The following ADAMTS9 variants were observed in gnomAD, a reference collection of about 807,000 sequenced individuals.
ADAMTS9 encodes the protein A disintegrin and metalloproteinase with thrombospondin motifs 9.
In ADAMTS9, 107 loss-of-function variants were observed where a neutral mutation model predicts 257.1. That is an observed-to-expected ratio of 0.42 (90% CI 0.36 to 0.49). The LOEUF (loss-of-function observed/expected upper bound fraction) is 0.49, where lower values mean the gene tolerates loss of function less well. Ranked by LOEUF, ADAMTS9 falls within the 20% of genes least tolerant of loss-of-function variation. The pLI is 0.03. For synonymous variants in ADAMTS9, 982 were observed against 880.9 expected (o/e 1.11, Z -2.03); for missense variants, 2,353 against 2,469.1 (o/e 0.95, Z 1.00).
At chr3:64,605,107 G>T (rs1202334132) in intron 23 of ADAMTS9, among the ~76,000 whole-genome samples, 1 of 152,166 alleles carries the variant, frequency 6.6e-6, no homozygotes, top group East Asian at 1.9e-4. Context: ...ATCTATGTGT[G>T]GAATGTGAAA....
chr3:64,686,906 C>T lies in ADAMTS9; in HGVS notation c.178G>A (p.Gly60Arg). ...TGGACGTTCGTGGGAAAGGGTTCTC[C>T]GAGAGCGTTCACTCGGATGGGAGAC... ...IVSPIRVNALGEPFPTNVHFK... is the reference protein window; with the variant it reads ...IVSPIRVNALREPFPTNVHFK... Residue 60 changes from glycine (G) to arginine (R), a missense_variant, in exon 2 of 40, where the codon GGA becomes AGA. By Grantham distance (125) the Gly-to-Arg change is moderately radical (BLOSUM62 -2). Transcript: ENST00000498707. This position sits in a 1 kb window ranked among gnomAD's most constrained non-coding sequence, Gnocchi z 4.6. The T allele has an allele frequency of 6.2e-7, 1 of 1,614,148 alleles. No individual in the cohort carries two copies. The highest frequency in any genetic ancestry group is 1.1e-5 in the South Asian group (1 of 91,086).
intron 38 of ADAMTS9, 78 bp downstream of exon 38, chr3:64,533,088 A>C (rs763655942): frequency 1.9e-5 from 25 of 1,321,344 alleles, no homozygotes; most frequent in Non-Finnish European, 2.7e-5. Context: ...CTCCTTCAGC[A>C]CCACTACCAC....
chr3:64,640,020 G>C (rs1373775994), intron 12 of ADAMTS9, among the ~76,000 whole-genome samples: 1 of 152,106 alleles, frequency 6.6e-6, no homozygotes, highest in East Asian at 1.9e-4. Flanking sequence ...CTATATGTTT[G>C]TGTCTGAATT....
intron 2 of ADAMTS9, among the ~76,000 whole-genome samples, chr3:64,682,013 A>G (rs920754571): frequency 1.3e-5 from 2 of 152,204 alleles, no homozygotes; most frequent in Non-Finnish European, 2.9e-5. Flanking sequence ...TTCAAGAAGC[A>G]TATGTTGGCC....
chr3:64,653,436 C>G (rs1700980872), intron 8 of ADAMTS9, among the ~76,000 whole-genome samples: 1 of 152,120 alleles, frequency 6.6e-6, no homozygotes, highest in African/African-American at 2.4e-5. Context: ...TTGAAAGGTA[C>G]TAGTTTAAAA....
chr3:64,581,004 T>G (rs2083984466), intron 28 of ADAMTS9, among the ~76,000 whole-genome samples: 1 of 152,184 alleles, frequency 6.6e-6, no homozygotes, highest in South Asian at 2.1e-4. Context: ...ATTGGGAACC[T>G]TTCTTAACTT....
Position 64,658,764 on chromosome 3 carries a change from T to C in ADAMTS9, c.707A>G (p.Lys236Arg), listed in dbSNP as rs1701149683. The C allele has an allele frequency of 1.9e-6, 3 of 1,614,024 alleles. No individual in the cohort carries two copies. Among genetic ancestry groups the C allele is most frequent in the East Asian group, 4.5e-5 (2 of 44,874 alleles). ...SEHKNRHSKDKKKTRARKWGE... is the reference protein window; with the variant it reads ...SEHKNRHSKDRKKTRARKWGE... ...CCATTTTCTTGCTCTGGTTTTCTTCTTGTCTTTACTGTGCCTATTTTTGTG... is the reference window on the plus strand; with the variant it reads ...CCATTTTCTTGCTCTGGTTTTCTTCCTGTCTTTACTGTGCCTATTTTTGTG... The change falls in exon 4 of 40, where the codon AAG (lysine) becomes AGG (arginine). Residue 236 changes from lysine (K) to arginine (R), a missense_variant. Physicochemically the swap from Lys to Arg is conservative, Grantham distance 26. Around this residue, in one of 3 missense-constraint regions of ADAMTS9, gnomAD observed 591 missense variants for 569.6 expected, o/e 1.04. Transcript: ENST00000498707.
At chr3:64,581,730 C>T (rs2084006209) in intron 28 of ADAMTS9, among the ~76,000 whole-genome samples, 1 of 152,204 alleles carries the variant, frequency 6.6e-6, no homozygotes, top group Non-Finnish European at 1.5e-5. Flanking sequence ...AAGACAGCAT[C>T]CACTTCCCTT....
chr3:64,594,306 T>C lies in ADAMTS9; in HGVS notation c.4308A>G (p.Thr1436=). The change falls in exon 28 of 40, where the codon ACA becomes ACG. Residue 1436 remains threonine, a synonymous_variant. Transcript: ENST00000498707. ...ATGCAGCGTCGTGTGGACAAGCATGTGTGTTACACTGCTCACGATCGGGAG... is the reference window on the plus strand; with the variant it reads ...ATGCAGCGTCGTGTGGACAAGCATGCGTGTTACACTGCTCACGATCGGGAG... ...DKPPDREQCN[T]HACPHDAAWS... is the part of the protein sequence containing the mutation. 1 of 1,612,562 alleles carries C rather than the reference T, an allele frequency of 6.2e-7. No individual in the cohort carries two copies.
chr3:64,582,308 G>C (rs1206462087), intron 28 of ADAMTS9, among the ~76,000 whole-genome samples: 5 of 152,150 alleles, frequency 3.3e-5, no homozygotes, highest in Admixed American at 2.6e-4. Context: ...CCTATGTATA[G>C]TTTTCTCTGA....
chr3:64,560,691 C>G (rs1343086782), intron 30 of ADAMTS9, among the ~76,000 whole-genome samples: 1 of 152,122 alleles, frequency 6.6e-6, no homozygotes, highest in African/African-American at 2.4e-5. Flanking sequence ...CAAAAAGTAC[C>G]CAGCACAGTG....
Position 64,530,452 on chromosome 3 carries a change from T to C in ADAMTS9, c.5718+2714A>G, listed in dbSNP as rs1412683257. ...CTCAGTCCCAGCTCCCAGATATTCATGAGGAGTACTCGACAGGCCCTGGAG... is the reference window on the plus strand; with the variant it reads ...CTCAGTCCCAGCTCCCAGATATTCACGAGGAGTACTCGACAGGCCCTGGAG... On this transcript the variant is annotated intron_variant, in intron 38 of 39. Transcript: ENST00000498707. Among the ~76,000 whole-genome samples, 10 of 146,662 alleles carry C rather than the reference T, an allele frequency of 6.8e-5. 1 individual carries two copies. In the East Asian group the frequency reaches 2.0e-3, roughly 30 times the overall value.
At chr3:64,661,477 C>T (rs9881733) in intron 3 of ADAMTS9, among the ~76,000 whole-genome samples, 105,993 of 151,998 alleles carry the variant, frequency 0.7, 38,044 homozygotes, top group African/African-American at 0.88. Context: ...CCTGTATTTT[C>T]CCGATGAGGA....
chr3:64,610,989 T>A (rs1282513164), intron 22 of ADAMTS9, among the ~76,000 whole-genome samples: 1 of 144,104 alleles, frequency 6.9e-6, no homozygotes, highest in Non-Finnish European at 1.5e-5. Context: ...GGCAGGAGAA[T>A]CGCTTGAACC....
Position 64,619,283 on chromosome 3 carries a change from G to C in ADAMTS9, c.2813+1831C>G, listed in dbSNP as rs180944730. On this transcript the variant is annotated intron_variant, in intron 19 of 39. Transcript: ENST00000498707. ...AAAACAGGTAAGGGGCTCCAAGCAA[G>C]GTAGGGAACAGGGATGGGGCAAAAA... 2.3e-3 allele frequency among the ~76,000 whole-genome samples: 354 copies of C among 152,168 alleles called. 1 individual carries two copies. The highest frequency in any genetic ancestry group is 3.7e-3 in the Non-Finnish European group (252 of 67,994).
intron 28 of ADAMTS9, among the ~76,000 whole-genome samples, chr3:64,591,010 C>A (rs752770850): frequency 6.6e-6 from 1 of 152,152 alleles, no homozygotes; most frequent in African/African-American, 2.4e-5. Context: ...GGATTTTTAG[C>A]CTACTTTCTG....
rs775861579 is a variant in ADAMTS9, at chr3:64,551,044, C to T, written c.4717G>A (p.Glu1573Lys). ...ACCACCTTGCGGTACCTGGAGCCTT[C>T]GCCGCAGGTCTTGGTGCACTGTTAA... ...EWQECTKTCG[E>K]GSRYRKVVCV... Residue 1573 changes from glutamate to lysine, a missense_variant, in exon 31 of 40, where the codon GAA becomes AAA. Transcript: ENST00000498707. The T allele has an allele frequency of 1.2e-5, 20 of 1,614,016 alleles. No homozygotes were observed. The highest frequency in any genetic ancestry group is 6.7e-5 in the African/African-American group (5 of 74,920).
At chr3:64,641,458 T>C (rs1256732190) in intron 12 of ADAMTS9, among the ~76,000 whole-genome samples, 2 of 141,934 alleles carry the variant, frequency 1.4e-5, no homozygotes, top group African/African-American at 5.2e-5. Flanking sequence ...CTCCTAATGC[T>C]ATCCCTCCCC....
intron 37 of ADAMTS9, 102 bp downstream of exon 37, chr3:64,539,101 C>T: frequency 8.2e-7 from 1 of 1,217,764 alleles, no homozygotes; most frequent in Admixed American, 1.9e-5. Context: ...CCCTCTAGAG[C>T]AACTGTTCTA....
Sources: allele counts gnomAD v4.1 joint callset (sites outside exome capture counted in the v4.1 genomes callset), GRCh38; gene constraint gnomAD v4.1.1; regional missense constraint gnomAD v4.1.1; non-coding constraint Gnocchi (gnomAD v3.1); transcripts MANE v1.5; gene names NCBI Gene and HGNC (gene_info 2026-07-23, HGNC 2026-07-21).